DENND1A: variants seen among roughly 807,000 people sequenced by gnomAD.
The protein encoded by DENND1A is DENN domain containing 1A.
Under a neutral mutation model 113.7 loss-of-function variants are expected in DENND1A, and 51 were observed. The observed-to-expected ratio is 0.45, with a 90% CI of 0.36 to 0.57. DENND1A has a LOEUF of 0.57. Among genes scored for constraint, DENND1A ranks in the 20% least tolerant of loss-of-function variants. The pLI, the probability that DENND1A is intolerant of heterozygous loss-of-function variation, is 0.00. For missense variants in DENND1A, 1,258 were observed against 1,395.9 expected, an observed-to-expected ratio of 0.90 and a Z score of 1.57; for synonymous variants, 565 against 570.8, an observed-to-expected ratio of 0.99 and a Z score of 0.14.
intron 2 of DENND1A, among the ~76,000 whole-genome samples, chr9:123,812,964 GT>G (rs1465093079): frequency 6.6e-6 from 1 of 152,064 alleles, no homozygotes; most frequent in African/African-American, 2.4e-5. Context: ...TTTCTTTGTG[GT>G]TTTTGGAAAG....
chr9:123,765,072 C>T (rs989509532), intron 4 of DENND1A, among the ~76,000 whole-genome samples: 2 of 152,166 alleles, frequency 1.3e-5, no homozygotes, highest in Non-Finnish European at 2.9e-5. Context: ...TACACTGGTC[C>T]TATGTCTGTG....
At chr9:123,481,903 C>A (rs1023426996) in intron 13 of DENND1A, among the ~76,000 whole-genome samples, 1 of 147,452 alleles carries the variant, frequency 6.8e-6, no homozygotes, top group Non-Finnish European at 1.5e-5. Context: ...TCAGGCAATT[C>A]TCATGCCTCA....
chr9:123,750,469 G>T (rs1159828836), intron 5 of DENND1A, among the ~76,000 whole-genome samples: 2 of 152,100 alleles, frequency 1.3e-5, no homozygotes, highest in Admixed American at 1.3e-4. Context: ...AAGGGCCCTG[G>T]GCCTAGGAAA....
At chr9:123,657,181 T>C (rs1462621354) in intron 8 of DENND1A, among the ~76,000 whole-genome samples, 39 of 152,096 alleles carry the variant, frequency 2.6e-4, no homozygotes, top group Admixed American at 2.4e-3. Flanking sequence ...CAAAGAAACG[T>C]TGGTAAGCGT....
chr9:123,591,113 A>T (rs1255356941), intron 11 of DENND1A, among the ~76,000 whole-genome samples: 1 of 152,194 alleles, frequency 6.6e-6, no homozygotes, highest in African/African-American at 2.4e-5. Flanking sequence ...GGTCTGTTTG[A>T]TAAACACTCT....
chr9:123,430,798 C>T (rs956287510), intron 19 of DENND1A, among the ~76,000 whole-genome samples: 3 of 152,108 alleles, frequency 2.0e-5, no homozygotes, highest in Non-Finnish European at 2.9e-5. Flanking sequence ...GTAACAAGCC[C>T]GCACATCCTG....
At chr9:123,446,516 C>A (rs1051025084) in intron 18 of DENND1A, among the ~76,000 whole-genome samples, 2 of 152,186 alleles carry the variant, frequency 1.3e-5, no homozygotes, top group African/African-American at 4.8e-5. Flanking sequence ...CTTTCAATCA[C>A]AGAGACTCTA....
intron 1 of DENND1A, among the ~76,000 whole-genome samples, chr9:123,907,636 C>A (rs1672797469): frequency 1.3e-5 from 2 of 149,704 alleles, no homozygotes; most frequent in Admixed American, 6.6e-5. Context: ...ATCCAACTTA[C>A]AAGGGATGTG....
chr9:123,423,783 T>C (rs2045501774), intron 19 of DENND1A, among the ~76,000 whole-genome samples: 2 of 152,194 alleles, frequency 1.3e-5, no homozygotes, highest in African/African-American at 4.8e-5. Context: ...ATGGGGTCCT[T>C]GGCATAACAG....
chr9:123,536,194 T>C (rs2055751514), intron 13 of DENND1A, among the ~76,000 whole-genome samples: 1 of 152,106 alleles, frequency 6.6e-6, no homozygotes, highest in Non-Finnish European at 1.5e-5. Flanking sequence ...CTCAAAACAT[T>C]GGACAGGCAT....
chr9:123,914,501 C>T (rs1255080794), intron 1 of DENND1A, among the ~76,000 whole-genome samples: 4 of 147,710 alleles, frequency 2.7e-5, no homozygotes, highest in Middle Eastern at 6.9e-3. Context: ...GCCGAGATCG[C>T]GCCACTGCAC....
chr9:123,397,369 G>A (rs2131185911), intron 21 of DENND1A, among the ~76,000 whole-genome samples: 1 of 152,308 alleles, frequency 6.6e-6, no homozygotes, highest in Non-Finnish European at 1.5e-5. Context: ...TGGCCAGGCT[G>A]GTGTCGAACT....
intron 18 of DENND1A, among the ~76,000 whole-genome samples, chr9:123,446,626 A>T (rs1429694229): frequency 6.6e-6 from 1 of 152,054 alleles, no homozygotes; most frequent in Non-Finnish European, 1.5e-5. Flanking sequence ...GGAGTTTGAG[A>T]CCAGTATGGG....
intron 3 of DENND1A, among the ~76,000 whole-genome samples, chr9:123,770,721 A>T (rs189228398): frequency 1.3e-5 from 2 of 152,378 alleles, no homozygotes; most frequent in Admixed American, 1.3e-4. Context: ...AAGCTGGTTC[A>T]AATTAAAACA....
At chr9:123,421,905 A>G (rs1381040236) in intron 19 of DENND1A, among the ~76,000 whole-genome samples, 1 of 152,104 alleles carries the variant, frequency 6.6e-6, no homozygotes, top group African/African-American at 2.4e-5. Flanking sequence ...CCCCACCACA[A>G]GAAGCCCCTT....
chr9:123,648,035 T>A (rs1589503646), intron 9 of DENND1A, among the ~76,000 whole-genome samples: 1 of 152,292 alleles, frequency 6.6e-6, no homozygotes, highest in East Asian at 1.9e-4. Context: ...AACACCTGGC[T>A]TTGTCAGCCA....
At chr9:123,634,584 A>C (rs900305033) in intron 9 of DENND1A, among the ~76,000 whole-genome samples, 1 of 152,266 alleles carries the variant, frequency 6.6e-6, no homozygotes, top group Admixed American at 6.5e-5. Flanking sequence ...CTTTAAAAGT[A>C]ATGAAAGTAT....
intron 16 of DENND1A, 55 bp from the exon 17 acceptor site, chr9:123,452,402 C>G: frequency 7.3e-7 from 1 of 1,362,680 alleles, no homozygotes; most frequent in Non-Finnish European, 1.1e-6. Context: ...CATCCAACAC[C>G]AACAAAGACT....
At chr9:123,695,967 C>T (rs1413928426) in intron 5 of DENND1A, among the ~76,000 whole-genome samples, 1 of 144,096 alleles carries the variant, frequency 6.9e-6, no homozygotes, top group Non-Finnish European at 1.5e-5. Context: ...TTTCTTCTTC[C>T]TTTTTCTGTT....
Sources: allele counts gnomAD v4.1 joint callset (sites outside exome capture counted in the v4.1 genomes callset), GRCh38; gene constraint gnomAD v4.1.1; transcripts MANE v1.5; gene names NCBI Gene and HGNC (gene_info 2026-07-23, HGNC 2026-07-21).